IGSF11: variants seen among roughly 807,000 people sequenced by gnomAD.
IGSF11 encodes CXADR like 1.
IGSF11 carries 22 observed loss-of-function variants against 41.0 expected under a neutral mutation model. That is an observed-to-expected ratio of 0.54 (90% CI 0.38 to 0.77). IGSF11 has a LOEUF of 0.77. Among genes scored for constraint, IGSF11 ranks in the 30% least tolerant of loss-of-function variants. The pLI is 0.00. For synonymous variants in IGSF11, 219 were observed against 201.3 expected (o/e 1.09, Z -0.74); for missense variants, 444 against 530.8 (o/e 0.84, Z 1.61).
chr3:118,951,015 T>C (rs1944530641), intron 1 of IGSF11, among the ~76,000 whole-genome samples: 2 of 152,186 alleles, frequency 1.3e-5, no homozygotes, highest in African/African-American at 4.8e-5. Flanking sequence ...AATGAATATA[T>C]TTACAAGCCA....
Position 118,902,293 on chromosome 3 carries a change from A to G in IGSF11, c.*227T>C, listed in dbSNP as rs180968303. 6.7e-5 allele frequency: 33 copies of G among 492,344 alleles called. No individual in the cohort carries two copies. The highest frequency in any genetic ancestry group is 2.8e-4 in the Admixed American group (8 of 28,738). 30.5% of individuals were successfully genotyped at this position (492,344 alleles called of 1,614,324 possible). ...TTGGCTTGGCACATCTTTGAGATCC[A>G]GCAGAATCCCAGGACATCTTTGGTG... On this transcript the variant is annotated 3_prime_UTR_variant, in exon 7 of 7. Coordinates refer to ENST00000393775, the MANE Select transcript of IGSF11 (RefSeq NM_001015887.3).
rs1444014939 is a variant in IGSF11 at position 118,986,485 on chromosome 3, G to A, written c.52+48046C>T. ...AGTTTCTAATATAGGCACAAGTGGGGAATTTATAGTAAATAATAATTTGTA... is the reference window on the plus strand; with the variant it reads ...AGTTTCTAATATAGGCACAAGTGGGAAATTTATAGTAAATAATAATTTGTA... On this transcript the variant is annotated intron_variant, in intron 1 of 6. Transcript: ENST00000393775. Among the ~76,000 whole-genome samples the A allele has an allele frequency of 2.0e-4, 31 of 152,210 alleles. 1 individual carries two copies. The highest frequency in any genetic ancestry group is 2.0e-3 in the Admixed American group (30 of 15,282).
At chr3:119,137,595 A>G (rs2077580422) in intron 1 of IGSF11, among the ~76,000 whole-genome samples, 1 of 152,272 alleles carries the variant, frequency 6.6e-6, no homozygotes, top group South Asian at 2.1e-4. Flanking sequence ...ATCTAAGACT[A>G]CAAACTATGA....
chr3:119,045,266 G>C (rs1941282866), intron 1 of IGSF11, among the ~76,000 whole-genome samples: 1 of 152,202 alleles, frequency 6.6e-6, no homozygotes, highest in African/African-American at 2.4e-5. Context: ...CCAGACAGTG[G>C]GCGCAGGTCA....
At chr3:119,043,841 C>T (rs565797356) in intron 1 of IGSF11, among the ~76,000 whole-genome samples, 1 of 152,248 alleles carries the variant, frequency 6.6e-6, no homozygotes, top group Admixed American at 6.5e-5. Flanking sequence ...TCAAGAAGCC[C>T]CATCCCTAGG....
At chr3:119,047,325 A>G (rs187769494) in intron 1 of IGSF11, among the ~76,000 whole-genome samples, 18 of 152,300 alleles carry the variant, frequency 1.2e-4, no homozygotes, top group Admixed American at 7.8e-4. Context: ...ATGGAAAACT[A>G]AAAAAGGCAG....
intron 1 of IGSF11, among the ~76,000 whole-genome samples, chr3:119,118,704 T>G (rs2077292866): frequency 6.6e-6 from 1 of 152,246 alleles, no homozygotes; most frequent in Non-Finnish European, 1.5e-5. Context: ...TTCTATCACA[T>G]TGTCAGGCTG....
At chr3:118,983,624 G>A (rs1048034741) in intron 1 of IGSF11, among the ~76,000 whole-genome samples, 3 of 151,994 alleles carry the variant, frequency 2.0e-5, no homozygotes, top group African/African-American at 7.3e-5. Flanking sequence ...CTTCAAATGA[G>A]GTGGGTATTA....
At chr3:119,122,655 G>A (rs2077349180) in intron 1 of IGSF11, among the ~76,000 whole-genome samples, 2 of 152,202 alleles carry the variant, frequency 1.3e-5, no homozygotes, top group African/African-American at 2.4e-5. Flanking sequence ...TTCCTCCTGG[G>A]AGAAGAGAGA....
rs934063244 is a variant in IGSF11, at chr3:118,942,204, T to G, written c.53-11929A>C. Reference sequence around the variant, plus strand: ...AAGCTCACAGAATCATGGAAATGGCTTGAAAAACAAATTAAGGGCTAATCT... The same window carrying G: ...AAGCTCACAGAATCATGGAAATGGCGTGAAAAACAAATTAAGGGCTAATCT... On this transcript the variant is annotated intron_variant, in intron 1 of 6. Coordinates refer to ENST00000393775, the MANE Select transcript of IGSF11 (RefSeq NM_001015887.3). Among the ~76,000 whole-genome samples the G allele has an allele frequency of 3.3e-5, 5 of 152,326 alleles. No individual in the cohort carries two copies. The South Asian group carries it at 6.2e-4, about 19-fold the overall frequency.
chr3:118,913,977 A>T (rs1376864849), intron 4 of IGSF11, among the ~76,000 whole-genome samples: 1 of 152,218 alleles, frequency 6.6e-6, no homozygotes, highest in Non-Finnish European at 1.5e-5. Flanking sequence ...AGAACTGATG[A>T]GACGAAATAT....
At position 118,997,526 on chromosome 3, in the gene IGSF11, G is replaced by GC. The variant is rs987360993; in HGVS notation, c.52+37004dup. On this transcript the variant is annotated intron_variant, in intron 1 of 6. Transcript: ENST00000393775. ...AAACTATTTTCACAACACCTCTGCTGCCCCCCCCCAGCCACACCACCCCCC... is the reference window on the plus strand; with the variant it reads ...AAACTATTTTCACAACACCTCTGCTGCCCCCCCCCCAGCCACACCACCCCCC... 3.2e-3 allele frequency among the ~76,000 whole-genome samples: 462 copies of GC among 145,322 alleles called. 3 individuals are homozygous for GC. Among genetic ancestry groups the GC allele is most frequent in the South Asian group, 4.2e-3 (19 of 4,480 alleles).
At chr3:118,952,762 T>C (rs983730538) in intron 1 of IGSF11, among the ~76,000 whole-genome samples, 5 of 152,268 alleles carry the variant, frequency 3.3e-5, no homozygotes, top group African/African-American at 1.2e-4. Flanking sequence ...AACTGAAATA[T>C]GACCCATAAG....
intron 1 of IGSF11, among the ~76,000 whole-genome samples, chr3:119,079,079 C>T (rs773303537): frequency 2.6e-5 from 4 of 151,972 alleles, no homozygotes; most frequent in Admixed American, 2.0e-4. Context: ...AAAAATAGGC[C>T]GGGCATGGTA....
At chr3:118,950,572 A>G (rs1472788901) in intron 1 of IGSF11, among the ~76,000 whole-genome samples, 1 of 152,006 alleles carries the variant, frequency 6.6e-6, no homozygotes, top group Non-Finnish European at 1.5e-5. Flanking sequence ...ACATATATAT[A>G]CCCCAACTCA....
intron 1 of IGSF11, among the ~76,000 whole-genome samples, chr3:118,966,738 T>C (rs1945707160): frequency 6.6e-6 from 1 of 152,220 alleles, no homozygotes; most frequent in African/African-American, 2.4e-5. Context: ...TAGGTTTGGA[T>C]TTACGTTTAA....
chr3:119,005,035 G>A lies in IGSF11; in HGVS notation c.52+29496C>T, dbSNP rs545031809. On this transcript the variant is annotated intron_variant, in intron 1 of 6. Coordinates refer to ENST00000393775, the MANE Select transcript of IGSF11 (RefSeq NM_001015887.3). ...GGTATCCTTGTTGACTTCCTGTCTC[G>A]TTGATCTGTCCAATGTTGACAGTGG... Among the ~76,000 whole-genome samples, 86 of 148,578 alleles carry A rather than the reference G, an allele frequency of 5.8e-4. 1 individual carries two copies. The South Asian group carries it at 7.6e-3, about 13-fold the overall frequency.
intron 1 of IGSF11, among the ~76,000 whole-genome samples, chr3:118,979,958 G>A (rs1023163444): frequency 6.6e-6 from 1 of 152,088 alleles, no homozygotes; most frequent in Non-Finnish European, 1.5e-5. Flanking sequence ...AAACCACAAT[G>A]AAGTATCATC....
At chr3:119,084,992 C>A (rs1363598845) in intron 1 of IGSF11, among the ~76,000 whole-genome samples, 1 of 146,458 alleles carries the variant, frequency 6.8e-6, no homozygotes, top group Non-Finnish European at 1.6e-5. Flanking sequence ...CCTCCTTCCA[C>A]AGGGCTTGTC....
Sources: gnomAD v4.1 joint callset for allele counts (sites outside exome capture counted in the v4.1 genomes callset) on GRCh38, gnomAD v4.1.1 for gene constraint, MANE v1.5 for transcripts, NCBI Gene and HGNC (gene_info 2026-07-23, HGNC 2026-07-21) for gene names.